The following XRCC5 variants were observed in gnomAD, a reference collection of about 807,000 sequenced individuals.
XRCC5 encodes X-ray repair cross complementing 5, also known as DNA repair protein Ku80.
A neutral mutation model predicts 95.7 loss-of-function variants in XRCC5; 12 were observed. That is an observed-to-expected ratio of 0.13 (90% CI 0.08 to 0.20). The LOEUF is 0.20. Ranked by LOEUF, XRCC5 falls within the 10% of genes least tolerant of loss-of-function variation. The pLI, the probability that XRCC5 is intolerant of heterozygous loss-of-function variation, is 1.00. For missense variants in XRCC5, 595 were observed against 873.9 expected (o/e 0.68, Z 4.02); for synonymous variants, 281 against 290.3 (o/e 0.97, Z 0.33).
At chr2:216,162,993 G>A (rs1365717840) in intron 16 of XRCC5, among the ~76,000 whole-genome samples, 1 of 152,180 alleles carries the variant, frequency 6.6e-6, no homozygotes, top group East Asian at 1.9e-4. Context: ...TAATCCTGCA[G>A]GTTTATATAT....
At chr2:216,173,788 T>G (rs1318367373) in intron 16 of XRCC5, among the ~76,000 whole-genome samples, 5 of 152,180 alleles carry the variant, frequency 3.3e-5, no homozygotes, top group African/African-American at 1.2e-4. Flanking sequence ...CCTGATTTCT[T>G]CTCTGTCTCT....
In XRCC5 at chr2:216,193,260, G is replaced by A. The variant is rs192561751; in HGVS notation, c.2041+525G>A. Among the ~76,000 whole-genome samples the A allele has an allele frequency of 1.6e-3, 245 of 152,276 alleles. 1 individual carries two copies. Among genetic ancestry groups the A allele is most frequent in the Admixed American group, 7.1e-3 (109 of 15,298 alleles). ...GCAAGTTAAACCCAGAAAGAAGACA[G>A]CACACATTCTTTCAGTGTTAGGCTT... On this transcript the variant is annotated intron_variant, in intron 18 of 20. Transcript: ENST00000392132.
At chr2:216,124,110 G>T (rs193024753) in intron 6 of XRCC5, among the ~76,000 whole-genome samples, 15 of 152,286 alleles carry the variant, frequency 9.8e-5, no homozygotes, top group Admixed American at 9.8e-4. Context: ...GGCTAGCATG[G>T]TTAGAAATAG....
chr2:216,187,869 TCC>T (rs1689536399), intron 16 of XRCC5, among the ~76,000 whole-genome samples: 1 of 131,314 alleles, frequency 7.6e-6, no homozygotes, highest in African/African-American at 3.2e-5. Context: ...TCTCCCCGTC[TCC>T]CTGTCTCTCC....
intron 1 of XRCC5, among the ~76,000 whole-genome samples, chr2:216,109,757 C>CCTCT (rs199972718): frequency 6.6e-6 from 1 of 151,528 alleles, no homozygotes; most frequent in Non-Finnish European, 1.5e-5. Context: ...ACCCGCCTCC[C>CCTCT]CTCTCTCTCT....
chr2:216,160,214 G>C (rs1688926118), intron 15 of XRCC5, 53 bp downstream of exon 15: 2 of 1,240,690 alleles, frequency 1.6e-6, no homozygotes, highest in Non-Finnish European at 2.3e-6. Flanking sequence ...GTTGGGGCTT[G>C]AGGGAGAGTG....
chr2:216,177,906 T>A (rs868654319), intron 16 of XRCC5, among the ~76,000 whole-genome samples: 1 of 152,208 alleles, frequency 6.6e-6, no homozygotes, highest in South Asian at 2.1e-4. Context: ...GAATTTTAAA[T>A]GTATGGGATT....
chr2:216,150,805 C>T (rs1210773481), intron 14 of XRCC5, among the ~76,000 whole-genome samples: 1 of 152,088 alleles, frequency 6.6e-6, no homozygotes, highest in African/African-American at 2.4e-5. Flanking sequence ...AGGAGAATCT[C>T]TTGAACCTGG....
intron 16 of XRCC5, chr2:216,175,275 C>CACCACCTCTGCTGCT (rs1689251709): frequency 2.3e-6 from 1 of 429,844 alleles, no homozygotes; most frequent in Admixed American, 2.8e-5. Context: ...CCTCTGCTGC[C>CACCACCTCTGCTGCT]ACCACCTCTA....
At chr2:216,145,344 GAA>G (rs1421367383) in intron 13 of XRCC5, among the ~76,000 whole-genome samples, 3 of 152,292 alleles carry the variant, frequency 2.0e-5, no homozygotes, top group South Asian at 4.1e-4. Flanking sequence ...GTTTTGGAAA[GAA>G]ATGCTGAAAA....
chr2:216,112,166 A>T (rs1696601030), intron 1 of XRCC5, among the ~76,000 whole-genome samples: 1 of 152,188 alleles, frequency 6.6e-6, no homozygotes, highest in Non-Finnish European at 1.5e-5. Flanking sequence ...TATTCCTTTT[A>T]GGTTATGTTT....
At chr2:216,109,503 C>T (rs760549256) in intron 1 of XRCC5, 46 bp downstream of exon 1, 2 of 1,611,404 alleles carry the variant, frequency 1.2e-6, no homozygotes, top group African/African-American at 2.7e-5. Flanking sequence ...ACTGGGGATC[C>T]GGAGAGGGTG....
intron 1 of XRCC5, chr2:216,111,433 G>A (rs758794582): frequency 1.8e-5 from 8 of 447,810 alleles, no homozygotes; most frequent in Admixed American, 7.1e-5. Flanking sequence ...CTGAGGTAGC[G>A]GGATCACTTG....
intron 16 of XRCC5, chr2:216,174,861 C>T (rs1689242144): frequency 7.1e-6 from 2 of 280,304 alleles, no homozygotes; most frequent in African/African-American, 2.3e-5. Context: ...TGTTCTTTCT[C>T]CTGCTAAGAA....
chr2:216,195,345 T>TCTTTTCTTTTCTTTTCTTTTC (rs1553580619), intron 19 of XRCC5, among the ~76,000 whole-genome samples: 1 of 125,202 alleles, frequency 8.0e-6, no homozygotes, highest in Non-Finnish European at 1.7e-5. Flanking sequence ...GTTTTTCTTT[T>TCTTTTCTTTTCTTTTCTTTTC]TTTTCTTTTC....
chr2:216,187,821 A>ACT (rs371097633), intron 16 of XRCC5, among the ~76,000 whole-genome samples: 1,870 of 47,962 alleles, frequency 0.039, 38 homozygotes, highest in Middle Eastern at 0.062. Flanking sequence ...ACACACACAC[A>ACT]CTCTCTCTCT....
chr2:216,127,790 T>C, intron 8 of XRCC5, 116 bp downstream of exon 8: 1 of 1,218,888 alleles, frequency 8.2e-7, no homozygotes, highest in Admixed American at 3.0e-5. Context: ...GTTATAGAAA[T>C]ATAACAGTTT....
chr2:216,171,512 T>G (rs1689165087), intron 16 of XRCC5, among the ~76,000 whole-genome samples: 1 of 152,196 alleles, frequency 6.6e-6, no homozygotes, highest in Non-Finnish European at 1.5e-5. Context: ...CAGTTAATAG[T>G]CATAATTAAA....
chr2:216,156,887 G>T, intron 14 of XRCC5: 2 of 324,526 alleles, frequency 6.2e-6, no homozygotes, highest in Non-Finnish European at 1.2e-5. Flanking sequence ...CCCACTGGAA[G>T]GAAAATGGAA....
Sources: allele counts gnomAD v4.1 joint callset (sites outside exome capture counted in the v4.1 genomes callset), GRCh38; gene constraint gnomAD v4.1.1; transcripts MANE v1.5; gene names NCBI Gene and HGNC (gene_info 2026-07-23, HGNC 2026-07-21).